LAMA5: variants seen among roughly 807,000 people sequenced by gnomAD.
The protein encoded by LAMA5 is laminin subunit alpha 5.
Under a neutral mutation model 433.4 loss-of-function variants are expected in LAMA5, and 260 were observed. That is an observed-to-expected ratio of 0.60 (90% confidence interval 0.54 to 0.66). The LOEUF (loss-of-function observed/expected upper bound fraction) is 0.66. LAMA5 is among the 30% of genes least tolerant of loss of function. The pLI, the probability that LAMA5 is intolerant of heterozygous loss-of-function variation, is 0.00. For synonymous variants in LAMA5, 2,620 were observed against 2,226.6 expected (o/e 1.18, Z -4.97); for missense variants, 5,378 against 5,258.5 (o/e 1.02, Z -0.70).
Position 62,332,711 on chromosome 20 carries a change from C to T in LAMA5, c.3289G>A (p.Val1097Ile), listed in dbSNP as rs751446677. The T allele has an allele frequency of 2.0e-5, 33 of 1,610,308 alleles. 1 individual carries two copies. The highest frequency in any genetic ancestry group is 3.4e-5 in the Admixed American group (2 of 59,414). ...TGTGGCACTGCCACTTGAAGCTGGA[C>T]GTCCACCTGCAGGGAAGGCAGGGTG... ...LITCTGSDVD[V>I]QLQVAVPQPG... is the part of the protein sequence containing the mutation. The change falls in exon 27 of 80, where the codon GTC (valine) becomes ATC (isoleucine). Residue 1097 changes from valine (V) to isoleucine (I), a missense_variant. Coordinates refer to ENST00000252999, the MANE Select transcript of LAMA5 (RefSeq NM_005560.6).
At position 62,327,368 on chromosome 20, in the gene LAMA5, G is replaced by A. The variant is rs1009609721; in HGVS notation, c.4977C>T (p.Asp1659=). ...GCCGCTCGTGGGGCACCACCTGCCG[G>A]TCAGTGCTCAGCAGCACCCATCCCT... The part of the protein sequence containing the change: ...DMEGWVLLST[D]RQVVPHERQP... Residue 1659 remains aspartate (D), a synonymous_variant, in exon 38 of 80, where the codon GAC becomes GAT. Transcript: ENST00000252999. 3 of 1,598,478 alleles carry A rather than the reference G, an allele frequency of 1.9e-6. No homozygotes were observed. The highest frequency in any genetic ancestry group is 2.6e-6 in the Non-Finnish European group (3 of 1,172,328).
At position 62,316,179 on chromosome 20, in the gene LAMA5, G is replaced by A. The variant is rs1986910119; in HGVS notation, c.7757-121C>T. The A allele has an allele frequency of 1.3e-5, 9 of 685,226 alleles. No individual in the cohort carries two copies. The East Asian group carries it at 2.2e-4, about 17-fold the overall frequency. The allele number at this position is 685,226 out of a possible 1,614,324, so 42.4% of individuals were successfully genotyped here. A position where few individuals can be genotyped will look rare whatever the true frequency, so the allele number is the denominator to read the frequency against. On this transcript the variant is annotated intron_variant, in intron 57 of 79. Coordinates refer to ENST00000252999, the MANE Select transcript of LAMA5 (RefSeq NM_005560.6). ...GACACACAGCAGACAGATGGACAGG[G>A]ACACTCAGACATGGAGTCCCTTAGC... is the stretch of plus-strand genomic sequence containing the variant.
At position 62,327,942 on chromosome 20, in the gene LAMA5, C is replaced by G; in HGVS notation, c.4721G>C (p.Cys1574Ser). 1 of 1,612,430 alleles carries G rather than the reference C, an allele frequency of 6.2e-7. No individual in the cohort carries two copies. The highest frequency in any genetic ancestry group is 8.5e-7 in the Non-Finnish European group (1 of 1,179,886). Residue 1574 changes from cysteine (C) to serine (S), a missense_variant, in exon 36 of 80, where the codon TGC (cysteine) becomes TCC (serine). By Grantham distance (112) the Cys-to-Ser change is moderately radical. Coordinates refer to ENST00000252999, the MANE Select transcript of LAMA5 (RefSeq NM_005560.6). ...CSPGFHGYPR[C>S]RPCDCHEAGT... ...CGCCTCGTGACAGTCACAGGGGCGG[C>G]AGCGGGGGTAGCCATGGAAGCCCGG...
In LAMA5 at chr20:62,313,230, G is replaced by T. The variant is rs778350642; in HGVS notation, c.8813C>A (p.Pro2938Gln). The change falls in exon 65 of 80, where the codon CCG becomes CAG. Residue 2938 changes from proline to glutamine, a missense_variant. By Grantham distance (76) the Pro-to-Gln change is moderately conservative. Transcript: ENST00000252999. ...PCARSKSTGDPWLTDGSYLDG... is the reference protein window; with the variant it reads ...PCARSKSTGDQWLTDGSYLDG... ...CAGGTAGGAGCCGTCCGTGAGCCAC[G>T]GGTCCCCGGTCGACTTGGAGCTGCA... is the stretch of plus-strand genomic sequence containing the variant. 1 of 1,547,580 alleles carries T rather than the reference G, an allele frequency of 6.5e-7. No individual in the cohort carries two copies. The highest frequency in any genetic ancestry group is 2.0e-5 in the Admixed American group (1 of 51,246).
chr20:62,309,436 C>A lies in LAMA5; in HGVS notation c.10988G>T (p.Gly3663Val). The A allele has an allele frequency of 6.3e-7, 1 of 1,584,274 alleles. No individual in the cohort carries two copies. The highest frequency in any genetic ancestry group is 1.7e-5 in the Admixed American group (1 of 57,528). ...AVQPWPPAYC[G>V]CMRRLAVNRS... ...GTTCACCGCCAGCCTCCTCATGCAG[C>A]CGCAGTAGGCGGGGGGCCAGGGCTG... The change falls in exon 80 of 80, where the codon GGC becomes GTC. Residue 3663 changes from glycine (G) to valine (V), a missense_variant. Transcript: ENST00000252999.
At chr20:62,344,595 C>T (rs1376752783) in intron 11 of LAMA5, among the ~76,000 whole-genome samples, 3 of 151,870 alleles carry the variant, frequency 2.0e-5, no homozygotes, top group Non-Finnish European at 2.9e-5. Flanking sequence ...ATTACAGGCA[C>T]GCACCACCAC....
At position 62,316,919 on chromosome 20, in the gene LAMA5, G is replaced by A; in HGVS notation, c.7616C>T (p.Ala2539Val). Residue 2539 changes from alanine to valine, a missense_variant, in exon 56 of 80, where the codon GCT becomes GTT. Ala to Val is a moderately conservative substitution (Grantham distance 64). Coordinates refer to ENST00000252999, the MANE Select transcript of LAMA5 (RefSeq NM_005560.6). The part of the protein sequence containing the change: ...LQAVQAAEDA[A>V]GQALQQADHT... ...GTCCGCCTGCTGCAGGGCCTGGCCA[G>A]CAGCATCCTCGGCAGCCTGCACGGC... 1 of 1,548,680 alleles carries A rather than the reference G, an allele frequency of 6.5e-7. No individual in the cohort carries two copies. Among genetic ancestry groups the A allele is most frequent in the Non-Finnish European group, 8.7e-7 (1 of 1,145,288 alleles).
intron 32 of LAMA5, 87 bp downstream of exon 32, chr20:62,329,690 G>A: frequency 6.6e-7 from 1 of 1,521,616 alleles, no homozygotes; most frequent in Non-Finnish European, 8.9e-7. Context: ...AGGCCCAGAA[G>A]AGACAGACCC....
chr20:62,331,575 C>T (rs1011172630), intron 28 of LAMA5, among the ~76,000 whole-genome samples: 2 of 152,250 alleles, frequency 1.3e-5, no homozygotes, highest in African/African-American at 4.8e-5. Context: ...TTGGTGCCAC[C>T]AGGCCGGGCC....
Position 62,332,359 on chromosome 20 carries a change from G to A in LAMA5, c.3552+13C>T. ...AGCTGACCCCTTGGGGTGGGGACCT[G>A]AGGGGTCCTTACCAGGAAGAAGCGT... On this transcript the variant is annotated intron_variant, in intron 28 of 79. Coordinates refer to ENST00000252999, the MANE Select transcript of LAMA5 (RefSeq NM_005560.6). 1.3e-6 allele frequency: 2 copies of A among 1,578,516 alleles called. No individual in the cohort carries two copies. Among genetic ancestry groups the A allele is most frequent in the Non-Finnish European group, 1.7e-6 (2 of 1,148,668 alleles).
At position 62,353,253 on chromosome 20, in the gene LAMA5, T is replaced by C; in HGVS notation, c.451-2A>G. 6.3e-7 allele frequency: 1 copy of C among 1,590,018 alleles called. No individual in the cohort carries two copies. The highest frequency in any genetic ancestry group is 8.6e-7 in the Non-Finnish European group (1 of 1,167,754). On this transcript the variant is annotated splice_acceptor_variant, in intron 2 of 79. Transcript: ENST00000252999. LOFTEE classifies it high-confidence loss of function. Reference sequence around the variant, plus strand: ...GAGGACGTAGGCCACGTGGAAGACCTGTGGGCCGAGAGGGCGTCAGGGGAG... The same window carrying C: ...GAGGACGTAGGCCACGTGGAAGACCCGTGGGCCGAGAGGGCGTCAGGGGAG...
Position 62,336,355 on chromosome 20 carries a change from G to A in LAMA5, c.2308C>T (p.Pro770Ser), listed in dbSNP as rs1292952564. Residue 770 changes from proline (P) to serine (S), a missense_variant, in exon 18 of 80, where the codon CCC (proline) becomes TCC (serine). Coordinates refer to ENST00000252999, the MANE Select transcript of LAMA5 (RefSeq NM_005560.6). ...GCACACTCACGGGTACAGCCCTCGG[G>A]GTTGCTGGGGCTCAGTCCCCAGAAC... ...PGFWGLSPSN[P>S]EGCTRCSCDL... The A allele has an allele frequency of 1.9e-6, 3 of 1,610,964 alleles. No homozygotes were observed. The highest frequency in any genetic ancestry group is 4.5e-5 in the East Asian group (2 of 44,882).
At chr20:62,325,289 C>T (rs535148368) in intron 41 of LAMA5, 27 bp downstream of exon 41, 60 of 1,479,140 alleles carry the variant, frequency 4.1e-5, no homozygotes, top group Non-Finnish European at 4.9e-5. Context: ...TGAGCCGCCT[C>T]GCAGTCTGGT....
In LAMA5 at chr20:62,310,481, C is replaced by T. The variant is rs1218922608; in HGVS notation, c.10538G>A (p.Cys3513Tyr). ...GCCCGCCTCCAGGGGGCCCAAGATGCAGGGTGTGACCCCTGCCATCCGTGT... is the reference window on the plus strand; with the variant it reads ...GCCCGCCTCCAGGGGGCCCAAGATGTAGGGTGTGACCCCTGCCATCCGTGT... Reference protein sequence around the residue: ...APTRMAGVTPCILGPLEAGLF... With the variant: ...APTRMAGVTPYILGPLEAGLF... Residue 3513 changes from cysteine to tyrosine, a missense_variant, in exon 76 of 80, where the codon TGC (cysteine) becomes TAC (tyrosine). Physicochemically the swap from Cys to Tyr is radical, Grantham distance 194 (BLOSUM62 -2). Transcript: ENST00000252999. The T allele has an allele frequency of 1.3e-6, 2 of 1,587,556 alleles. No homozygotes were observed. Among genetic ancestry groups the T allele is most frequent in the Non-Finnish European group, 1.7e-6 (2 of 1,170,324 alleles).
intron 11 of LAMA5, among the ~76,000 whole-genome samples, chr20:62,340,224 G>C (rs1354913744): frequency 6.6e-6 from 1 of 151,540 alleles, no homozygotes; most frequent in Non-Finnish European, 1.5e-5. Context: ...GAGATACATA[G>C]GTAGACTGTG....
At chr20:62,315,673 C>A (rs1986860127) in intron 58 of LAMA5, among the ~76,000 whole-genome samples, 1 of 152,170 alleles carries the variant, frequency 6.6e-6, no homozygotes, top group Non-Finnish European at 1.5e-5. Context: ...CAGGGTGTGC[C>A]CCAATCCCCC....
Position 62,312,536 on chromosome 20 carries a change from T to TGGGGAAGCGGGGAAGC in LAMA5, c.9228-5_9228-4insGCTTCCCCGCTTCCCC. 6.3e-7 allele frequency: 1 copy of TGGGGAAGCGGGGAAGC among 1,599,556 alleles called. No individual in the cohort carries two copies. The highest frequency in any genetic ancestry group is 8.5e-7 in the Non-Finnish European group (1 of 1,179,544). On this transcript the variant is annotated splice_polypyrimidine_tract_variant and splice_region_variant and intron_variant, in intron 67 of 79. Coordinates refer to ENST00000252999, the MANE Select transcript of LAMA5 (RefSeq NM_005560.6). ...GGTGGGGAAGAGCCGTCGCAGGCTG[T>TGGGGAAGCGGGGAAGC]GGGGAAGCGGGGATGCGGGTCAGGG...
chr20:62,311,519 C>G lies in LAMA5; in HGVS notation c.9824G>C (p.Arg3275Pro). ...VFVQRLLGPQ[R>P]VFDLQQNLGS... Reference sequence around the variant, plus strand: ...CAGGTTCTGCTGCAGATCAAATACGCGCTGTGGGCCCAGGAGCCTGTGCAG... The same window carrying G: ...CAGGTTCTGCTGCAGATCAAATACGGGCTGTGGGCCCAGGAGCCTGTGCAG... The change falls in exon 72 of 80, where the codon CGC becomes CCC. Residue 3275 changes from arginine to proline, a missense_variant. Physicochemically the swap from Arg to Pro is moderately radical, Grantham distance 103 (BLOSUM62 -2). Transcript: ENST00000252999. 6.2e-7 allele frequency: 1 copy of G among 1,610,014 alleles called. No individual in the cohort carries two copies.
At position 62,367,236 on chromosome 20, in the gene LAMA5, G is replaced by A; in HGVS notation, c.10C>T (p.Arg4Trp). The A allele has an allele frequency of 8.4e-7, 1 of 1,186,722 alleles. No homozygotes were observed. Among genetic ancestry groups the A allele is most frequent in the Non-Finnish European group, 1.0e-6 (1 of 960,914 alleles). 73.5% of individuals were successfully genotyped at this position (1,186,722 alleles called of 1,614,324 possible). Residue 4 changes from arginine to tryptophan, a missense_variant, in exon 1 of 80, where the codon CGG becomes TGG. Arg to Trp is a moderately radical substitution (Grantham distance 101, BLOSUM62 -3). Transcript: ENST00000252999. ...CACAGTGCGCTCCCCGCGCAGAGCC[G>A]CTTCGCCATCTTCCCGGCTCCGGGC... The part of the protein sequence containing the change: MAK[R>W]LCAGSALCVR...
Sources: allele counts gnomAD v4.1 joint callset (sites outside exome capture counted in the v4.1 genomes callset), GRCh38; gene constraint gnomAD v4.1.1; transcripts MANE v1.5; gene names NCBI Gene and HGNC (gene_info 2026-07-23, HGNC 2026-07-21).